PRIM2: variants seen among roughly 807,000 people sequenced by gnomAD.
The protein encoded by PRIM2 is DNA primase subunit 2.
Under a neutral mutation model 67.3 loss-of-function variants are expected in PRIM2, and 39 were observed. That is an observed-to-expected ratio of 0.58 (90% CI 0.45 to 0.76). PRIM2 has a LOEUF of 0.76. Ranked by LOEUF, PRIM2 falls within the 30% of genes least tolerant of loss-of-function variation. The probability of loss-of-function intolerance (pLI) is 0.00; values close to 1 mark genes in which losing one functional copy is unlikely to be tolerated. For synonymous variants in PRIM2, 143 were observed against 198.7 expected (o/e 0.72, Z 2.36); for missense variants, 398 against 598.7 (o/e 0.66, Z 3.50).
At chr6:57,553,316 T>A (rs1170650436) in intron 10 of PRIM2, among the ~76,000 whole-genome samples, 2 of 152,128 alleles carry the variant, frequency 1.3e-5, no homozygotes, top group East Asian at 3.8e-4. Context: ...CATATATAGA[T>A]TAATTCTCTT....
intron 7 of PRIM2, among the ~76,000 whole-genome samples, chr6:57,402,745 G>C (rs1770755173): frequency 1.3e-5 from 2 of 152,208 alleles, no homozygotes; most frequent in South Asian, 4.1e-4. Flanking sequence ...TAGTGTGTGT[G>C]CTGGTGGTTT....
At chr6:57,584,283 G>A (rs1294391252) in intron 10 of PRIM2, among the ~76,000 whole-genome samples, 1 of 152,160 alleles carries the variant, frequency 6.6e-6, no homozygotes, top group Admixed American at 6.5e-5. Flanking sequence ...CCTACCTCCA[G>A]TATTCCTGAA....
chr6:57,266,884 TA>T, the PRIM2 span, among the ~76,000 whole-genome samples: 3 of 152,150 alleles, frequency 2.0e-5, no homozygotes, highest in Admixed American at 6.6e-5. Flanking sequence ...TAAAAATAGT[TA>T]AAAAAAGTTA....
At chr6:57,327,972 CAT>C (rs1021363469) in intron 5 of PRIM2, among the ~76,000 whole-genome samples, 1 of 152,208 alleles carries the variant, frequency 6.6e-6, no homozygotes, top group African/African-American at 2.4e-5. Context: ...AGATCTCTCA[CAT>C]GTGCAGTTCA....
At chr6:57,246,978 C>T in the PRIM2 span, among the ~76,000 whole-genome samples, 2 of 152,118 alleles carry the variant, frequency 1.3e-5, no homozygotes, top group Non-Finnish European at 2.9e-5. Context: ...CCTCAGCCTC[C>T]CGAGTAGCTG....
At chr6:57,432,948 T>A (rs7750805) in intron 7 of PRIM2, among the ~76,000 whole-genome samples, 16,070 of 152,262 alleles carry the variant, frequency 0.11, 942 homozygotes, top group East Asian at 0.2. Context: ...GTAATACAGC[T>A]TTTTCTAAAT....
the PRIM2 span, among the ~76,000 whole-genome samples, chr6:57,225,761 CAAGA>C: frequency 6.6e-6 from 1 of 151,986 alleles, no homozygotes; most frequent in African/African-American, 2.4e-5. Context: ...TATTTTCTTC[CAAGA>C]AAGAAAGCTT....
the PRIM2 span, among the ~76,000 whole-genome samples, chr6:57,229,788 C>T: frequency 2.6e-4 from 40 of 152,280 alleles, no homozygotes; most frequent in Admixed American, 1.2e-3. Context: ...CTGTGCCTGG[C>T]CTGCATTGCT....
intron 12 of PRIM2, among the ~76,000 whole-genome samples, chr6:57,623,483 A>G (rs1776893872): frequency 1.3e-5 from 2 of 152,170 alleles, no homozygotes. Flanking sequence ...CTCTGTTTAT[A>G]TAGTTACACA....
chr6:57,414,498 A>C (rs117636255), intron 7 of PRIM2, among the ~76,000 whole-genome samples: 8 of 152,172 alleles, frequency 5.3e-5, no homozygotes, highest in African/African-American at 1.9e-4. Context: ...TTATTTTTCT[A>C]ATGTAATTAT....
intron 12 of PRIM2, among the ~76,000 whole-genome samples, chr6:57,607,768 A>G (rs1285530846): frequency 1.3e-5 from 2 of 152,234 alleles, no homozygotes; most frequent in African/African-American, 4.8e-5. Context: ...AAAACAATAC[A>G]AGTTCTTAAC....
chr6:57,497,527 A>T (rs1554346487), intron 7 of PRIM2: 7 of 152,104 alleles, frequency 4.6e-5, no homozygotes, highest in Non-Finnish European at 8.8e-5. Flanking sequence ...TTGGTTCTTC[A>T]TATCATCCAG....
intron 7 of PRIM2, among the ~76,000 whole-genome samples, chr6:57,480,588 A>G (rs1285671317): frequency 1.3e-5 from 2 of 152,004 alleles, no homozygotes; most frequent in Non-Finnish European, 2.9e-5. Context: ...CCCACCTCCT[A>G]TGCTTGTCAG....
chr6:57,255,326 G>A, the PRIM2 span, among the ~76,000 whole-genome samples: 6 of 151,910 alleles, frequency 3.9e-5, no homozygotes, highest in African/African-American at 1.5e-4. Flanking sequence ...GTGAAACCCT[G>A]TCTCTACTAA....
At chr6:57,256,567 C>T in the PRIM2 span, among the ~76,000 whole-genome samples, 1 of 151,758 alleles carries the variant, frequency 6.6e-6, no homozygotes, top group South Asian at 2.1e-4. Flanking sequence ...ATTGCGTTAT[C>T]TTTTCTAACA....
chr6:57,408,328 A>G (rs1312789017), intron 7 of PRIM2, among the ~76,000 whole-genome samples: 61 of 151,898 alleles, frequency 4.0e-4, no homozygotes, highest in African/African-American at 1.5e-3. Flanking sequence ...GAGAGAAGAG[A>G]CCCCCAGTGT....
intron 7 of PRIM2, chr6:57,383,107 C>T (rs1287912487): frequency 1.3e-5 from 2 of 152,096 alleles, no homozygotes; most frequent in Admixed American, 6.5e-5. Context: ...CCTGTTATTT[C>T]TTTATCCTCA....
intron 7 of PRIM2, among the ~76,000 whole-genome samples, chr6:57,434,551 C>T (rs903493658): frequency 1.3e-5 from 2 of 151,986 alleles, no homozygotes; most frequent in Non-Finnish European, 2.9e-5. Context: ...AAGGAAGTTA[C>T]GTTTCTGAAG....
intron 7 of PRIM2, among the ~76,000 whole-genome samples, chr6:57,450,382 A>G (rs1772504375): frequency 6.6e-6 from 1 of 152,188 alleles, no homozygotes; most frequent in Non-Finnish European, 1.5e-5. Flanking sequence ...TTGCTTCACT[A>G]CTGTACCATA....
Sources: allele counts gnomAD v4.1 joint callset (sites outside exome capture counted in the v4.1 genomes callset), GRCh38; gene constraint gnomAD v4.1.1; transcripts MANE v1.5; gene names NCBI Gene and HGNC (gene_info 2026-07-23, HGNC 2026-07-21).